The following GPC6 variants were observed in gnomAD, a reference collection of about 807,000 sequenced individuals.
GPC6 encodes the protein glypican-6.
Under a neutral mutation model 55.2 loss-of-function variants are expected in GPC6, and 14 were observed. The observed-to-expected ratio is 0.25, with a 90% CI of 0.17 to 0.40. The LOEUF (loss-of-function observed/expected upper bound fraction) is 0.40. Ranked by LOEUF, GPC6 falls within the 10% of genes least tolerant of loss-of-function variation. GPC6 has a pLI of 1.00. For missense variants in GPC6, 641 were observed against 708.5 expected, an observed-to-expected ratio of 0.90 and a Z score of 1.08; for synonymous variants, 278 against 259.6, an observed-to-expected ratio of 1.07 and a Z score of -0.68.
At position 94,382,477 on chromosome 13, in the gene GPC6, A is replaced by G. The variant is rs760752648; in HGVS notation, c.1216A>G (p.Ile406Val). ...GGTCTGGTCAGCATTACCCTACACT[A>G]TCTGCAAGGACGAGAGCGTGACAGC... ...KKVWSALPYT[I>V]CKDESVTAGT... Residue 406 changes from isoleucine to valine, a missense_variant, in exon 7 of 9, where the codon ATC becomes GTC. Ile to Val is a conservative substitution (Grantham distance 29, BLOSUM62 3). Transcript: ENST00000377047. 19 of 1,614,064 alleles carry G rather than the reference A, an allele frequency of 1.2e-5. No homozygotes were observed. The highest frequency in any genetic ancestry group is 1.5e-5 in the Non-Finnish European group (18 of 1,180,002).
At chr13:93,476,031 T>C (rs1879290201) in intron 1 of GPC6, among the ~76,000 whole-genome samples, 1 of 152,206 alleles carries the variant, frequency 6.6e-6, no homozygotes, top group Middle Eastern at 3.4e-3. Context: ...TGTTAAACTA[T>C]ATGGGATAGT....
At chr13:93,889,460 G>A (rs1359656845) in intron 3 of GPC6, among the ~76,000 whole-genome samples, 3 of 152,072 alleles carry the variant, frequency 2.0e-5, no homozygotes, top group Non-Finnish European at 4.4e-5. Flanking sequence ...TTATTCACCA[G>A]TTTTGGAAAG....
intron 2 of GPC6, among the ~76,000 whole-genome samples, chr13:93,549,125 G>T (rs1295403148): frequency 1.3e-5 from 2 of 152,016 alleles, no homozygotes; most frequent in Non-Finnish European, 2.9e-5. Flanking sequence ...CTTTTCTGTT[G>T]CTCCCCAGGA....
At position 94,144,536 on chromosome 13, in the gene GPC6, A is replaced by AGTGTGTGTGT. The variant is rs758759927; in HGVS notation, c.877+116643_877+116652dup. Among the ~76,000 whole-genome samples, 42 of 80,108 alleles carry AGTGTGTGTGT rather than the reference A, an allele frequency of 5.2e-4. 1 individual carries two copies. The highest frequency in any genetic ancestry group is 2.1e-3 in the African/African-American group (34 of 16,162). The allele number at this position is 80,108 out of a possible 152,430, so 52.6% of individuals were successfully genotyped here. On this transcript the variant is annotated intron_variant, in intron 4 of 8. Coordinates refer to ENST00000377047, the MANE Select transcript of GPC6 (RefSeq NM_005708.5). Reference sequence around the variant, plus strand: ...TTGTAGGAAAAGATCATTCTTTGGGAGTGTGTGTGTATGTGTGTGTGTGTG... The same window carrying AGTGTGTGTGT: ...TTGTAGGAAAAGATCATTCTTTGGGAGTGTGTGTGTGTGTGTGTGTATGTGTGTGTGTGTG...
At chr13:94,124,349 A>T (rs552522461) in intron 4 of GPC6, among the ~76,000 whole-genome samples, 6 of 152,092 alleles carry the variant, frequency 3.9e-5, no homozygotes, top group Non-Finnish European at 8.8e-5. Context: ...ATGTTTCCAA[A>T]AAGCCCATCA....
chr13:94,156,831 C>T (rs183901411), intron 4 of GPC6, among the ~76,000 whole-genome samples: 2 of 152,278 alleles, frequency 1.3e-5, no homozygotes, highest in East Asian at 3.9e-4. Flanking sequence ...TCTGGTGCCT[C>T]TCACAGCTAT....
chr13:93,288,853 T>A (rs889450700), intron 1 of GPC6, among the ~76,000 whole-genome samples: 4 of 152,176 alleles, frequency 2.6e-5, no homozygotes, highest in African/African-American at 7.2e-5. Flanking sequence ...GTTACAGGTG[T>A]TTTCTGCAAA....
chr13:93,283,228 T>C (rs938355265), intron 1 of GPC6, among the ~76,000 whole-genome samples: 1 of 152,230 alleles, frequency 6.6e-6, no homozygotes, highest in Non-Finnish European at 1.5e-5. Context: ...TCTGCTCTAT[T>C]TTTTCCTATC....
intron 3 of GPC6, among the ~76,000 whole-genome samples, chr13:93,838,901 T>C (rs1368606977): frequency 2.0e-5 from 3 of 152,130 alleles, no homozygotes; most frequent in African/African-American, 7.2e-5. Context: ...ATATAAATGT[T>C]TGTTGGCAAA....
intron 3 of GPC6, among the ~76,000 whole-genome samples, chr13:93,922,922 T>G (rs1452812627): frequency 6.6e-6 from 1 of 152,116 alleles, no homozygotes; most frequent in Non-Finnish European, 1.5e-5. Flanking sequence ...CAATACCACC[T>G]CTTATAATGA....
intron 5 of GPC6, among the ~76,000 whole-genome samples, chr13:94,288,945 A>ATAACAAATATATATATATTT: frequency 9.3e-5 from 1 of 10,702 alleles, no homozygotes; most frequent in East Asian, 4.0e-3. Flanking sequence ...ATAGATAGAT[A>ATAACAAATATATATATATTT]GATAGATATA....
chr13:93,745,643 A>G (rs1884372800), intron 2 of GPC6, among the ~76,000 whole-genome samples: 1 of 152,198 alleles, frequency 6.6e-6, no homozygotes, highest in Non-Finnish European at 1.5e-5. Context: ...CTCTTTTGAG[A>G]TGATAAGCAG....
At position 93,967,599 on chromosome 13, in the gene GPC6, T is replaced by A. The variant is rs79515418; in HGVS notation, c.712-60130T>A. Among the ~76,000 whole-genome samples, 1,395 of 152,296 alleles carry A rather than the reference T, an allele frequency of 9.2e-3. 8 individuals carry two copies. The highest frequency in any genetic ancestry group is 0.015 in the Non-Finnish European group (1,030 of 68,020). ...TTCTGCTTCCCCTCACCTGCCTGAG[T>A]TATGCACCTGTAAAACATCTTTCTG... is the stretch of plus-strand genomic sequence containing the variant. On this transcript the variant is annotated intron_variant, in intron 3 of 8. Transcript: ENST00000377047.
chr13:93,810,629 T>G (rs530413975), intron 2 of GPC6, among the ~76,000 whole-genome samples: 1 of 152,290 alleles, frequency 6.6e-6, no homozygotes, highest in East Asian at 1.9e-4. Context: ...AAAAGGGCAT[T>G]AAAGAATTCT....
intron 1 of GPC6, among the ~76,000 whole-genome samples, chr13:93,413,860 G>A (rs917692338): frequency 1.3e-5 from 2 of 152,110 alleles, no homozygotes; most frequent in Non-Finnish European, 2.9e-5. Context: ...GCACTTAAAA[G>A]GGGGAAAATG....
intron 2 of GPC6, among the ~76,000 whole-genome samples, chr13:93,651,633 A>C (rs1001082163): frequency 1.3e-5 from 2 of 152,174 alleles, no homozygotes; most frequent in African/African-American, 4.8e-5. Context: ...CTACCGACGC[A>C]GTCAGCTCCT....
chr13:93,985,944 CT>C (rs1302403404), intron 3 of GPC6, among the ~76,000 whole-genome samples: 1 of 151,936 alleles, frequency 6.6e-6, no homozygotes, highest in African/African-American at 2.4e-5. Context: ...ACTGTTGTTT[CT>C]TTTTCACCAG....
At position 94,293,116 on chromosome 13, in the gene GPC6, G is replaced by A. The variant is rs191372961; in HGVS notation, c.1008+6637G>A. ...TTCCTTTTGAGGAAAGAATCTCCCA[G>A]TAACAGTGACAACCATGGTTACCCT... On this transcript the variant is annotated intron_variant, in intron 5 of 8. Transcript: ENST00000377047. Among the ~76,000 whole-genome samples, 17 of 151,910 alleles carry A rather than the reference G, an allele frequency of 1.1e-4. No individual in the cohort carries two copies. The East Asian group carries it at 3.3e-3, about 30-fold the overall frequency.
chr13:93,595,022 TAATC>T (rs1357404564), intron 2 of GPC6, among the ~76,000 whole-genome samples: 2 of 152,172 alleles, frequency 1.3e-5, no homozygotes, highest in Admixed American at 6.5e-5. Context: ...CCTTGTTTTT[TAATC>T]AAGCAAGAAG....
Sources: gnomAD v4.1 joint callset for allele counts (sites outside exome capture counted in the v4.1 genomes callset) on GRCh38, gnomAD v4.1.1 for gene constraint, MANE v1.5 for transcripts, NCBI Gene and HGNC (gene_info 2026-07-23, HGNC 2026-07-21) for gene names.